The following CPLANE1 variants were observed in gnomAD, a reference collection of about 807,000 sequenced individuals.
CPLANE1 encodes the protein ciliogenesis and planar polarity effector 1.
Under a neutral mutation model 362.5 loss-of-function variants are expected in CPLANE1, and 263 were observed. The observed-to-expected ratio is 0.73, with a 90% confidence interval of 0.66 to 0.80. CPLANE1 has a LOEUF of 0.80. CPLANE1 is among the 30% of genes least tolerant of loss of function. The pLI is 0.00. For missense variants in CPLANE1, 3,461 were observed against 3,793.4 expected (o/e 0.91, Z 2.30); for synonymous variants, 1,212 against 1,302.6 (o/e 0.93, Z 1.50).
intron 18 of CPLANE1, among the ~76,000 whole-genome samples, chr5:37,202,705 GAATAT>G (rs1360844192): frequency 1.3e-5 from 2 of 151,994 alleles, no homozygotes; most frequent in Non-Finnish European, 2.9e-5. Context: ...TGAAAGTACA[GAATAT>G]AATATGTCAA....
At chr5:37,237,558 C>T (rs1799281047) in intron 8 of CPLANE1, among the ~76,000 whole-genome samples, 1 of 152,178 alleles carries the variant, frequency 6.6e-6, no homozygotes, top group Non-Finnish European at 1.5e-5. Flanking sequence ...AAGAAATATG[C>T]ACCTATGGCC....
intron 30 of CPLANE1, among the ~76,000 whole-genome samples, chr5:37,176,720 A>C (rs1310541982): frequency 2.0e-5 from 3 of 151,680 alleles, no homozygotes; most frequent in African/African-American, 7.3e-5. Flanking sequence ...AAACTAACAA[A>C]ATTTGCATAC....
the CPLANE1 span, among the ~76,000 whole-genome samples, chr5:37,082,036 T>C: frequency 6.7e-6 from 1 of 149,580 alleles, no homozygotes; most frequent in Non-Finnish European, 1.5e-5. Context: ...GAGGTTGCAG[T>C]GAGCCAAGAT....
At position 37,154,771 on chromosome 5, in the gene CPLANE1, T is replaced by C. The variant is rs1010679161; in HGVS notation, c.8120-778A>G. Among the ~76,000 whole-genome samples the C allele has an allele frequency of 9.9e-5, 15 of 152,282 alleles. No homozygotes were observed. In the East Asian group the frequency reaches 2.5e-3, roughly 25 times the overall value. ...TTCCCACTTTCTCTGAGTTATGTCA[T>C]TGATGAAAGATCCCAAATCTATATG... On this transcript the variant is annotated intron_variant, in intron 41 of 52. Coordinates refer to ENST00000651892, the MANE Select transcript of CPLANE1 (RefSeq NM_001384732.1).
At position 37,179,254 on chromosome 5, in the gene CPLANE1, G is replaced by C. The variant is rs76119376; in HGVS notation, c.5820+107C>G. The stretch of plus-strand genomic sequence containing the variant: ...TACAACCCATGGTGCATTTTTAAGA[G>C]CTAGCCCTGCTTTGATATATTTAAT... On this transcript the variant is annotated intron_variant, in intron 29 of 52. Transcript: ENST00000651892. 385 of 741,064 alleles carry C rather than the reference G, an allele frequency of 5.2e-4. 3 individuals are homozygous for C. In the East Asian group the frequency reaches 0.01, roughly 20 times the overall value. The allele number at this position is 741,064 out of a possible 1,614,324, so 45.9% of individuals were successfully genotyped here.
chr5:37,211,476 G>A (rs947996965), intron 16 of CPLANE1: 1 of 1,401,492 alleles, frequency 7.1e-7, no homozygotes, highest in Non-Finnish European at 9.8e-7. Context: ...GCCTCAAGTG[G>A]GCACACTTAA....
chr5:37,120,464 C>T lies in CPLANE1; in HGVS notation c.9186-124G>A, dbSNP rs1228615047. On this transcript the variant is annotated intron_variant, in intron 49 of 52. Transcript: ENST00000651892. ...GCAAGCCTATAGCCCCAGCTACTGG[C>T]GAGGGTGGGACAGGAGGATCACTGG... 1.6e-5 allele frequency: 12 copies of T among 735,260 alleles called. 1 individual carries two copies. The highest frequency in any genetic ancestry group is 4.0e-4 in the Middle Eastern group (1 of 2,514). 45.5% of individuals were successfully genotyped at this position (735,260 alleles called of 1,614,324 possible). A position where few individuals can be genotyped will look rare whatever the true frequency, so the allele number is the denominator to read the frequency against.
chr5:37,242,731 G>A (rs965015842), intron 6 of CPLANE1, among the ~76,000 whole-genome samples: 4 of 151,904 alleles, frequency 2.6e-5, no homozygotes, highest in Non-Finnish European at 5.9e-5. Context: ...TTTAAAAAGG[G>A]ATAGAAAATA....
chr5:37,211,285 A>C, intron 16 of CPLANE1: 1 of 1,510,856 alleles, frequency 6.6e-7, no homozygotes, highest in Non-Finnish European at 9.0e-7. Context: ...CTTCAGCAAG[A>C]GGCGGAACGC....
chr5:37,136,883 G>A (rs1371099128), intron 46 of CPLANE1, among the ~76,000 whole-genome samples: 4 of 152,204 alleles, frequency 2.6e-5, no homozygotes, highest in Non-Finnish European at 5.9e-5. Flanking sequence ...ACAGCAAGGA[G>A]GGCCTGGGCC....
chr5:37,247,479 G>A (rs560745155), intron 2 of CPLANE1, 139 bp downstream of exon 2: 2 of 638,914 alleles, frequency 3.1e-6, no homozygotes, highest in South Asian at 6.2e-5. Context: ...TCAGTGTGCA[G>A]GTAGGTGATC....
intron 49 of CPLANE1, 122 bp downstream of exon 49, chr5:37,121,495 T>C: frequency 1.1e-6 from 1 of 891,816 alleles, no homozygotes; most frequent in South Asian, 1.8e-5. Context: ...TTTTTTCCTT[T>C]ATCATCATAA....
the CPLANE1 span, among the ~76,000 whole-genome samples, chr5:37,093,111 T>C: frequency 1.3e-5 from 2 of 152,206 alleles, no homozygotes; most frequent in African/African-American, 4.8e-5. Flanking sequence ...CATAGTTACA[T>C]TTATGGCCTT....
At chr5:37,192,736 C>T (rs1003946835) in intron 21 of CPLANE1, among the ~76,000 whole-genome samples, 27 of 150,646 alleles carry the variant, frequency 1.8e-4, no homozygotes, top group Admixed American at 5.3e-4. Context: ...TGGTGGCAGG[C>T]GCCTGTAGTC....
At chr5:37,118,278 C>T (rs764951290) in intron 50 of CPLANE1, among the ~76,000 whole-genome samples, 7 of 151,710 alleles carry the variant, frequency 4.6e-5, no homozygotes, top group Non-Finnish European at 8.8e-5. Flanking sequence ...TGGTGGCACA[C>T]GCCTATAATC....
At chr5:37,082,494 C>T in the CPLANE1 span, among the ~76,000 whole-genome samples, 1 of 151,996 alleles carries the variant, frequency 6.6e-6, no homozygotes, top group South Asian at 2.1e-4. Context: ...ACACAAAGAC[C>T]AATGGAACAA....
At chr5:37,088,752 A>C in the CPLANE1 span, among the ~76,000 whole-genome samples, 1 of 152,152 alleles carries the variant, frequency 6.6e-6, no homozygotes, top group Non-Finnish European at 1.5e-5. Flanking sequence ...TGCCTCAACA[A>C]ATTAATGCTA....
intron 46 of CPLANE1, among the ~76,000 whole-genome samples, chr5:37,130,048 T>C (rs1765322277): frequency 6.6e-6 from 1 of 152,184 alleles, no homozygotes; most frequent in Non-Finnish European, 1.5e-5. Context: ...ATATACACCA[T>C]GTCATACTAT....
Position 37,158,328 on chromosome 5 carries a change from C to T in CPLANE1, c.7708G>A (p.Ala2570Thr). The part of the protein sequence containing the change: ...NTDPEHEPLT[A>T]PQLLVPDVYL... ...ACATCTGGGACCAAGAGCTGAGGAGCAGTCAAAGGCTCATGTTCTGAAAAT... is the reference window on the plus strand; with the variant it reads ...ACATCTGGGACCAAGAGCTGAGGAGTAGTCAAAGGCTCATGTTCTGAAAAT... The change falls in exon 39 of 53, where the codon GCT becomes ACT. Residue 2570 changes from alanine (A) to threonine (T), a missense_variant. Ala to Thr is a moderately conservative substitution (Grantham distance 58). Around this residue, in one of 2 missense-constraint regions of CPLANE1, gnomAD observed 3,380 missense variants for 3,666.1 expected, o/e 0.92. Transcript: ENST00000651892. The T allele has an allele frequency of 6.2e-7, 1 of 1,613,028 alleles. No homozygotes were observed. The highest frequency in any genetic ancestry group is 8.5e-7 in the Non-Finnish European group (1 of 1,179,466).
Sources: allele counts gnomAD v4.1 joint callset (sites outside exome capture counted in the v4.1 genomes callset), GRCh38; gene constraint gnomAD v4.1.1; regional missense constraint gnomAD v4.1.1; transcripts MANE v1.5; gene names NCBI Gene and HGNC (gene_info 2026-07-23, HGNC 2026-07-21).